The following RAP1GAP2 variants were observed in gnomAD, a reference collection of about 807,000 sequenced individuals.
RAP1GAP2 encodes RAP1 GTPase activating protein 2.
RAP1GAP2 carries 27 observed loss-of-function variants against 95.0 expected under a neutral mutation model. The ratio of observed to expected loss-of-function variants is 0.28; its 90% CI spans 0.21 to 0.39. The LOEUF (loss-of-function observed/expected upper bound fraction) is 0.39, where lower values mean the gene tolerates loss of function less well. RAP1GAP2 is among the 10% of genes least tolerant of loss of function. The pLI is 1.00. For synonymous variants in RAP1GAP2, 373 were observed against 380.9 expected, an observed-to-expected ratio of 0.98 and a Z score of 0.24; for missense variants, 771 against 970.0, an observed-to-expected ratio of 0.79 and a Z score of 2.72.
chr17:3,001,551 G>A (rs552206345), intron 14 of RAP1GAP2, among the ~76,000 whole-genome samples: 8 of 123,096 alleles, frequency 6.5e-5, no homozygotes, highest in African/African-American at 2.4e-4. Flanking sequence ...GGGAGTGCAG[G>A]TCCAAGCACC....
chr17:2,838,528 G>T (rs1418005992), intron 2 of RAP1GAP2, among the ~76,000 whole-genome samples: 1 of 152,166 alleles, frequency 6.6e-6, no homozygotes, highest in African/African-American at 2.4e-5. Flanking sequence ...GTACTGGGTT[G>T]TTGACCCCTC....
At chr17:2,921,125 T>A (rs1265758650) in intron 3 of RAP1GAP2, among the ~76,000 whole-genome samples, 1 of 152,136 alleles carries the variant, frequency 6.6e-6, no homozygotes, top group African/African-American at 2.4e-5. Flanking sequence ...GGTGTAGATT[T>A]GATTCCTAGG....
chr17:2,927,188 C>T (rs1567786607), intron 3 of RAP1GAP2, among the ~76,000 whole-genome samples: 1 of 151,120 alleles, frequency 6.6e-6, no homozygotes, highest in Non-Finnish European at 1.5e-5. Context: ...GAATCTCGCT[C>T]TGTCACCCAG....
rs891479452 is a variant in RAP1GAP2, at chr17:2,797,456, G to A, written c.44+885G>A. 1.3e-5 allele frequency among the ~76,000 whole-genome samples: 2 copies of A among 152,082 alleles called. No individual in the cohort carries two copies. The highest frequency in any genetic ancestry group is 4.8e-5 in the African/African-American group (2 of 41,384). On this transcript the variant is annotated intron_variant, in intron 1 of 24. Transcript: ENST00000254695. The surrounding 1 kb of genome is among the most constrained non-coding windows in gnomAD (Gnocchi z 5.6). ...TCGGTTTCCTTTCAGTGCCTGGGCT[G>A]GGGGCGTTGTCAGACTGGGAGAGGG...
intron 17 of RAP1GAP2, among the ~76,000 whole-genome samples, chr17:3,011,893 C>T (rs962053860): frequency 6.6e-6 from 1 of 152,054 alleles, no homozygotes; most frequent in Non-Finnish European, 1.5e-5. Flanking sequence ...GGATTACAGG[C>T]GTGAGGCACT....
intron 1 of RAP1GAP2, among the ~76,000 whole-genome samples, chr17:2,767,582 T>C (rs141975633): frequency 1.0e-3 from 146 of 141,764 alleles, no homozygotes; most frequent in African/African-American, 3.9e-3. Flanking sequence ...CCCTTTTTAA[T>C]GTCAATCACG....
chr17:2,804,756 T>C (rs1204724571), intron 2 of RAP1GAP2, among the ~76,000 whole-genome samples: 1 of 152,074 alleles, frequency 6.6e-6, no homozygotes, highest in Non-Finnish European at 1.5e-5. Context: ...TGGAGCCACG[T>C]TGGAATGCTG....
At chr17:2,927,778 T>C (rs1326127640) in intron 3 of RAP1GAP2, among the ~76,000 whole-genome samples, 2 of 152,204 alleles carry the variant, frequency 1.3e-5, no homozygotes, top group African/African-American at 4.8e-5. Context: ...ACCTGCTTCC[T>C]AGAGGAAACG....
chr17:2,770,252 C>T (rs964987237), intron 1 of RAP1GAP2: 11 of 398,058 alleles, frequency 2.8e-5, no homozygotes, highest in East Asian at 1.4e-4. Context: ...AGCAATTCTC[C>T]GGCAAGCAGG....
rs2070609424 is a variant in RAP1GAP2, at chr17:2,827,257, C to CCGGAT, written c.80+26707_80+26708insCGGAT. ...GAGAGCTCAGCTGAGTGGATACCCA[C>CCGGAT]TCGCACATCCAACAGCTCTCATTCC... On this transcript the variant is annotated intron_variant, in intron 2 of 24. Coordinates refer to ENST00000254695, the MANE Select transcript of RAP1GAP2 (RefSeq NM_015085.5). This position sits in a 1 kb window ranked among gnomAD's most constrained non-coding sequence, Gnocchi z 4.1. Among the ~76,000 whole-genome samples, 1 of 152,142 alleles carries CCGGAT rather than the reference C, an allele frequency of 6.6e-6. No homozygotes were observed. The highest frequency in any genetic ancestry group is 2.4e-5 in the African/African-American group (1 of 41,440).
intron 11 of RAP1GAP2, among the ~76,000 whole-genome samples, chr17:2,986,272 G>T (rs1457361500): frequency 6.6e-6 from 1 of 152,114 alleles, no homozygotes; most frequent in Non-Finnish European, 1.5e-5. Flanking sequence ...GAACACTGAT[G>T]AATCTTATAA....
At chr17:2,956,014 G>C (rs541003295) in intron 3 of RAP1GAP2, among the ~76,000 whole-genome samples, 1 of 152,202 alleles carries the variant, frequency 6.6e-6, no homozygotes, top group Non-Finnish European at 1.5e-5. Flanking sequence ...TCAGAGGTCC[G>C]TGTATTTAAC....
At chr17:2,984,334 C>T (rs1001926292) in intron 10 of RAP1GAP2, among the ~76,000 whole-genome samples, 6 of 151,970 alleles carry the variant, frequency 3.9e-5, no homozygotes, top group Admixed American at 6.6e-5. Flanking sequence ...GGTGACAGAG[C>T]GAGACTCCAT....
chr17:2,875,944 G>GTTT (rs35435061), intron 2 of RAP1GAP2, among the ~76,000 whole-genome samples: 1 of 145,040 alleles, frequency 6.9e-6, no homozygotes, highest in Non-Finnish European at 1.5e-5. Flanking sequence ...TTGTTTGTTT[G>GTTT]TTTTTTTTTT....
intron 2 of RAP1GAP2, among the ~76,000 whole-genome samples, chr17:2,806,581 G>A (rs2069530511): frequency 6.6e-6 from 1 of 150,592 alleles, no homozygotes. Context: ...TTTTTTAGTA[G>A]AGGCGGGGTT....
At chr17:2,849,236 C>T (rs1248364995) in intron 2 of RAP1GAP2, among the ~76,000 whole-genome samples, 1 of 152,164 alleles carries the variant, frequency 6.6e-6, no homozygotes, top group Non-Finnish European at 1.5e-5. Context: ...ATCTGGTTTT[C>T]ATCAAAGGCC....
chr17:2,796,816 G>T lies in RAP1GAP2; in HGVS notation c.44+245G>T, dbSNP rs1323399666. ...GAGGTCTGCGCCGGCTGCCCGTGGG[G>T]AGGTGGATAGCATGAGTGTGACTGC... On this transcript the variant is annotated intron_variant, in intron 1 of 24. Coordinates refer to ENST00000254695, the MANE Select transcript of RAP1GAP2 (RefSeq NM_015085.5). The surrounding 1 kb of genome is among the most constrained non-coding windows in gnomAD (Gnocchi z 4.7). Among the ~76,000 whole-genome samples, 1 of 152,152 alleles carries T rather than the reference G, an allele frequency of 6.6e-6. No individual in the cohort carries two copies. The highest frequency in any genetic ancestry group is 1.5e-5 in the Non-Finnish European group (1 of 68,026).
intron 3 of RAP1GAP2, among the ~76,000 whole-genome samples, chr17:2,930,285 TG>T: frequency 6.6e-6 from 1 of 152,264 alleles, no homozygotes; most frequent in Non-Finnish European, 1.5e-5. Flanking sequence ...AGCCTGTGGC[TG>T]GGGCTGGGGG....
chr17:3,019,384 G>T lies in RAP1GAP2; in HGVS notation c.1633-1093G>T, dbSNP rs548072984. 5.9e-5 allele frequency among the ~76,000 whole-genome samples: 9 copies of T among 152,180 alleles called. No individual in the cohort carries two copies. In the South Asian group the frequency reaches 1.7e-3, roughly 28 times the overall value. Reference sequence around the variant, plus strand: ...AAAAATTAGCTGAGCATGGTGGCACGCACCAGTAGTCTTAGCTACTTGGGA... The same window carrying T: ...AAAAATTAGCTGAGCATGGTGGCACTCACCAGTAGTCTTAGCTACTTGGGA... On this transcript the variant is annotated intron_variant, in intron 18 of 24. Coordinates refer to ENST00000254695, the MANE Select transcript of RAP1GAP2 (RefSeq NM_015085.5).
Sources: allele counts gnomAD v4.1 joint callset (sites outside exome capture counted in the v4.1 genomes callset), GRCh38; gene constraint gnomAD v4.1.1; non-coding constraint Gnocchi (gnomAD v3.1); transcripts MANE v1.5; gene names NCBI Gene and HGNC (gene_info 2026-07-23, HGNC 2026-07-21).